CORO7: variants seen among roughly 807,000 people sequenced by gnomAD.
CORO7 encodes coronin-7.
Under a neutral mutation model 126.6 loss-of-function variants are expected in CORO7, and 107 were observed. The ratio of observed to expected loss-of-function variants is 0.85; its 90% CI spans 0.72 to 0.99. The LOEUF (loss-of-function observed/expected upper bound fraction) is 0.99, where lower values mean the gene tolerates loss of function less well. Among genes scored for constraint, CORO7 ranks in the 50% least tolerant of loss-of-function variants. CORO7 has a pLI of 0.00. For synonymous variants in CORO7, 603 were observed against 536.8 expected, an observed-to-expected ratio of 1.12 and a Z score of -1.70; for missense variants, 1,314 against 1,255.8, an observed-to-expected ratio of 1.05 and a Z score of -0.70.
At chr16:4,384,758 T>C (rs776896929) in intron 9 of CORO7, among the ~76,000 whole-genome samples, 15 of 152,074 alleles carry the variant, frequency 9.9e-5, no homozygotes, top group Non-Finnish European at 2.1e-4. Flanking sequence ...TGGGGCCCCT[T>C]CTTCCTGAGG....
chr16:4,406,830 G>A (rs141628220), intron 5 of CORO7, among the ~76,000 whole-genome samples: 1,898 of 151,984 alleles, frequency 0.012, 36 homozygotes, highest in African/African-American at 0.041. Context: ...TAGTAGAGAC[G>A]CGGTTTCACT....
At chr16:4,377,755 A>G (rs1310282907) in intron 9 of CORO7, among the ~76,000 whole-genome samples, 1 of 152,186 alleles carries the variant, frequency 6.6e-6, no homozygotes, top group Non-Finnish European at 1.5e-5. Context: ...CCAAAGCTCC[A>G]GCGCTGCCTC....
chr16:4,381,562 G>A, intron 9 of CORO7: 1 of 1,605,338 alleles, frequency 6.2e-7, no homozygotes, highest in African/African-American at 1.3e-5. Context: ...CAACCAGCTG[G>A]AGCGAGTGCC....
chr16:4,361,707 G>C lies in CORO7; in HGVS notation c.1579-238C>G. The C allele has an allele frequency of 6.4e-6, 5 of 785,526 alleles. No homozygotes were observed. The South Asian group carries it at 7.3e-5, about 11-fold the overall frequency. 48.7% of individuals were successfully genotyped at this position (785,526 alleles called of 1,614,324 possible). A position where few individuals can be genotyped will look rare whatever the true frequency, so the allele number is the denominator to read the frequency against. On this transcript the variant is annotated intron_variant, in intron 16 of 27. Coordinates refer to ENST00000251166, the MANE Select transcript of CORO7 (RefSeq NM_024535.5). ...ACTGGCGGGAAAAGCTCCGGCTTAG[G>C]GCTCAGGTGGCCGGGCTTCGGATCC...
At chr16:4,385,823 C>T (rs1166395827) in intron 9 of CORO7, among the ~76,000 whole-genome samples, 1 of 152,220 alleles carries the variant, frequency 6.6e-6, no homozygotes, top group African/African-American at 2.4e-5. Flanking sequence ...GTGCACGAAC[C>T]CTGGCCTCCT....
chr16:4,389,786 C>A (rs2055323401), intron 7 of CORO7, among the ~76,000 whole-genome samples: 1 of 152,242 alleles, frequency 6.6e-6, no homozygotes, highest in African/African-American at 2.4e-5. Flanking sequence ...GTCATTCAGG[C>A]TCCTGCCCTC....
intron 1 of CORO7, among the ~76,000 whole-genome samples, chr16:4,413,932 T>G (rs1318026833): frequency 6.8e-6 from 1 of 147,622 alleles, no homozygotes; most frequent in Non-Finnish European, 1.5e-5. Flanking sequence ...ATGCCTGTAA[T>G]CCCAGCACTT....
chr16:4,355,185 T>G, intron 27 of CORO7, 22 bp from the exon 28 acceptor site: 1 of 1,548,072 alleles, frequency 6.5e-7, no homozygotes, highest in Non-Finnish European at 8.8e-7. Context: ...CACCAAGAGG[T>G]GGGAGGGAGT....
chr16:4,374,690 C>T (rs1212828408), intron 9 of CORO7, among the ~76,000 whole-genome samples: 1 of 152,174 alleles, frequency 6.6e-6, no homozygotes, highest in Non-Finnish European at 1.5e-5. Context: ...CCCGCCTGCC[C>T]ATTGATCAGC....
chr16:4,357,351 CTTTCTTTTT>C (rs2054009533), intron 25 of CORO7, 92 bp from the exon 26 acceptor site: 88 of 958,316 alleles, frequency 9.2e-5, no homozygotes, highest in African/African-American at 2.3e-4. Flanking sequence ...TCTTTTCTTT[CTTTCTTTTT>C]TTTTTTTTTT....
intron 3 of CORO7, among the ~76,000 whole-genome samples, chr16:4,408,587 G>A (rs965476813): frequency 1.3e-5 from 2 of 152,224 alleles, no homozygotes; most frequent in South Asian, 2.1e-4. Context: ...TCCTTCAGTC[G>A]TGGAAGGTCC....
At chr16:4,390,738 G>A (rs2055358141) in intron 7 of CORO7, among the ~76,000 whole-genome samples, 2 of 152,228 alleles carry the variant, frequency 1.3e-5, no homozygotes, top group South Asian at 4.1e-4. Context: ...TAAAGGCACA[G>A]AGAGACGAAG....
intron 5 of CORO7, among the ~76,000 whole-genome samples, chr16:4,406,318 C>G (rs1319743469): frequency 1.3e-5 from 2 of 151,718 alleles, no homozygotes; most frequent in African/African-American, 4.8e-5. Context: ...TTTTTTGAGA[C>G]AGCATCTCAC....
At chr16:4,387,173 G>A (rs1466806539) in intron 9 of CORO7, among the ~76,000 whole-genome samples, 1 of 151,876 alleles carries the variant, frequency 6.6e-6, no homozygotes, top group East Asian at 1.9e-4. Context: ...CTACGTCTCT[G>A]AACACCCCCC....
intron 9 of CORO7, chr16:4,380,755 G>C: frequency 1.7e-6 from 2 of 1,204,888 alleles, no homozygotes; most frequent in Non-Finnish European, 2.2e-6. Context: ...TAACCATTGG[G>C]TTCTCTTGCA....
At chr16:4,412,630 G>T in intron 2 of CORO7, 200 bp from the exon 3 acceptor site, 1 of 591,756 alleles carries the variant, frequency 1.7e-6, no homozygotes, top group South Asian at 2.1e-5. Context: ...CCATGCCTCA[G>T]ATGGATACAG....
At chr16:4,405,703 G>A (rs1301801317) in intron 5 of CORO7, 136 bp from the exon 6 acceptor site, 2 of 1,033,484 alleles carry the variant, frequency 1.9e-6, no homozygotes, top group Non-Finnish European at 2.8e-6. Flanking sequence ...GGGGGCAAGG[G>A]CAGCAGCTTC....
At chr16:4,357,880 C>T in intron 25 of CORO7, 88 bp downstream of exon 25, 1 of 1,524,256 alleles carries the variant, frequency 6.6e-7, no homozygotes, top group Non-Finnish European at 8.8e-7. Context: ...TTCTGCGTGC[C>T]AACAGGAATG....
At position 4,360,957 on chromosome 16, in the gene CORO7, C is replaced by A. The variant is rs1042241909; in HGVS notation, c.1903G>T (p.Gly635Cys). 1.9e-6 allele frequency: 3 copies of A among 1,611,640 alleles called. No individual in the cohort carries two copies. The highest frequency in any genetic ancestry group is 3.3e-5 in the Admixed American group (2 of 60,008). Residue 635 changes from glycine to cysteine, a missense_variant, in exon 19 of 28, where the codon GGC becomes TGC. Physicochemically the swap from Gly to Cys is radical, Grantham distance 159. Coordinates refer to ENST00000251166, the MANE Select transcript of CORO7 (RefSeq NM_024535.5). ...QAGADRLKLQ[G>C]HQDQIFSLAW... ...AGCCGTCCTACCTGGTCTTGGTGGC[C>A]CTGCAGCTTCAGCCGATCAGCTCCA... is the stretch of plus-strand genomic sequence containing the variant.
Sources: gnomAD v4.1 joint callset for allele counts (sites outside exome capture counted in the v4.1 genomes callset) on GRCh38, gnomAD v4.1.1 for gene constraint, MANE v1.5 for transcripts, NCBI Gene and HGNC (gene_info 2026-07-23, HGNC 2026-07-21) for gene names.